AFAP1: variants seen among roughly 807,000 people sequenced by gnomAD.
AFAP1 encodes actin filament-associated protein 1.
In AFAP1, 75 loss-of-function variants were observed where a neutral mutation model predicts 93.9. The ratio of observed to expected loss-of-function variants is 0.80; its 90% confidence interval spans 0.66 to 0.97. The LOEUF is 0.97. Ranked by LOEUF, AFAP1 falls within the 50% of genes least tolerant of loss-of-function variation. The pLI is 0.00. For synonymous variants in AFAP1, 517 were observed against 430.7 expected (o/e 1.20, Z -2.48); for missense variants, 1,201 against 1,050.8 (o/e 1.14, Z -1.98).
intron 3 of AFAP1, among the ~76,000 whole-genome samples, chr4:7,859,445 G>A (rs2149152326): frequency 6.6e-6 from 1 of 151,962 alleles, no homozygotes; most frequent in African/African-American, 2.4e-5. Context: ...AGGGTCCAAA[G>A]TCTAACCACC....
intron 6 of AFAP1, among the ~76,000 whole-genome samples, chr4:7,821,820 G>A (rs1048157503): frequency 6.6e-6 from 1 of 152,200 alleles, no homozygotes; most frequent in Non-Finnish European, 1.5e-5. Flanking sequence ...GACCAGGATA[G>A]TGTTTCCAGC....
At position 7,767,421 on chromosome 4, in the gene AFAP1, ATC is replaced by A. The variant is rs372159179; in HGVS notation, c.2418+1421_2418+1422del. 5.3e-4 allele frequency among the ~76,000 whole-genome samples: 81 copies of A among 152,322 alleles called. 1 individual carries two copies. In the East Asian group the frequency reaches 0.015, roughly 29 times the overall value. On this transcript the variant is annotated intron_variant, in intron 17 of 17. Coordinates refer to ENST00000420658, the MANE Select transcript of AFAP1 (RefSeq NM_001134647.2). ...TAAATAGATGAAGTACATTTACAGC[ATC>A]TCTCATCTGCGAGTCCTAAGTGGGA...
chr4:7,861,854 TTTC>T (rs1715741398), intron 3 of AFAP1: 1 of 152,216 alleles, frequency 6.6e-6, no homozygotes. Flanking sequence ...AATGAATGAT[TTTC>T]TTGTTTTAAA....
At chr4:7,927,653 C>T (rs10016389) in intron 1 of AFAP1, among the ~76,000 whole-genome samples, 245 of 152,238 alleles carry the variant, frequency 1.6e-3, no homozygotes, top group African/African-American at 5.7e-3. Context: ...AGCAATATTC[C>T]ATCTCTAAAA....
At chr4:7,853,484 G>A (rs535337901) in intron 4 of AFAP1, among the ~76,000 whole-genome samples, 2 of 152,222 alleles carry the variant, frequency 1.3e-5, no homozygotes, top group Admixed American at 6.5e-5. Flanking sequence ...CAGGAGAGAC[G>A]CAGGCTCCCG....
intron 1 of AFAP1, among the ~76,000 whole-genome samples, chr4:7,934,412 A>C (rs1236961892): frequency 6.6e-6 from 1 of 152,198 alleles, no homozygotes; most frequent in Non-Finnish European, 1.5e-5. Flanking sequence ...TGCTTCTAGA[A>C]CGGTGCCCCT....
chr4:7,809,520 C>T (rs1719824791), intron 9 of AFAP1, 94 bp downstream of exon 9: 10 of 1,410,706 alleles, frequency 7.1e-6, no homozygotes, highest in East Asian at 4.6e-5. Context: ...CTCAAATTAA[C>T]GAGCCTTGGA....
chr4:7,815,757 C>T (rs1720412907), intron 8 of AFAP1, among the ~76,000 whole-genome samples: 1 of 152,160 alleles, frequency 6.6e-6, no homozygotes, highest in Admixed American at 6.5e-5. Context: ...AAGTTCAAAA[C>T]ATATGCAGGG....
intron 1 of AFAP1, among the ~76,000 whole-genome samples, chr4:7,889,331 G>A (rs28694545): frequency 0.31 from 47,578 of 151,508 alleles, 9,048 homozygotes; most frequent in Non-Finnish European, 0.44. Context: ...GACGGATCAC[G>A]AGGTCAGGAG....
intron 1 of AFAP1, among the ~76,000 whole-genome samples, chr4:7,929,847 C>A (rs772637885): frequency 1.3e-5 from 2 of 152,210 alleles, no homozygotes; most frequent in African/African-American, 4.8e-5. Flanking sequence ...CCCTGCCCTG[C>A]CAATCCGGAG....
chr4:7,827,846 A>T (rs1404152291), intron 6 of AFAP1, among the ~76,000 whole-genome samples: 2 of 152,176 alleles, frequency 1.3e-5, no homozygotes, highest in African/African-American at 4.8e-5. Context: ...GTGACGTCTC[A>T]TCCGAGCGAG....
intron 1 of AFAP1, among the ~76,000 whole-genome samples, chr4:7,925,422 C>T (rs550334959): frequency 2.6e-5 from 4 of 152,322 alleles, no homozygotes; most frequent in East Asian, 1.9e-4. Flanking sequence ...TTAGCAATTA[C>T]GTGGCCTTGG....
At chr4:7,833,841 G>T (rs1283930135) in intron 6 of AFAP1, among the ~76,000 whole-genome samples, 4 of 151,960 alleles carry the variant, frequency 2.6e-5, no homozygotes, top group Non-Finnish European at 5.9e-5. Context: ...GCCTGCCTCG[G>T]CCTCCCAAAG....
chr4:7,889,957 T>C (rs1389878269), intron 1 of AFAP1, among the ~76,000 whole-genome samples: 1 of 140,388 alleles, frequency 7.1e-6, no homozygotes, highest in Non-Finnish European at 1.5e-5. Context: ...CAAATCCATC[T>C]ATAGATGCAA....
intron 1 of AFAP1, among the ~76,000 whole-genome samples, chr4:7,914,334 C>A (rs1181589682): frequency 3.9e-5 from 6 of 152,168 alleles, no homozygotes; most frequent in Non-Finnish European, 4.4e-5. Flanking sequence ...GGATTACAGG[C>A]ATGAGCCACC....
chr4:7,766,064 C>T (rs1714525734), intron 17 of AFAP1, among the ~76,000 whole-genome samples: 1 of 152,228 alleles, frequency 6.6e-6, no homozygotes, highest in Non-Finnish European at 1.5e-5. Flanking sequence ...CTCACTTTGT[C>T]TAAATCAAAA....
chr4:7,844,199 G>A (rs1011009659), intron 4 of AFAP1, among the ~76,000 whole-genome samples: 3 of 152,114 alleles, frequency 2.0e-5, no homozygotes, highest in African/African-American at 7.2e-5. Context: ...TATATGTAGA[G>A]ATAGGACTTT....
In AFAP1 at chr4:7,781,574, CT is replaced by C; in HGVS notation, c.1583del (p.Glu528GlyfsTer87). 2 of 1,551,858 alleles carry C rather than the reference CT, an allele frequency of 1.3e-6. No individual in the cohort carries two copies. Among genetic ancestry groups the C allele is most frequent in the Non-Finnish European group, 1.7e-6 (2 of 1,147,046 alleles). On this transcript the variant is annotated frameshift_variant, in exon 13 of 18. Coordinates refer to ENST00000420658, the MANE Select transcript of AFAP1 (RefSeq NM_001134647.2). LOFTEE classifies it high-confidence loss of function. ...ACAGGCCTGCGTTATCATAAAGCACCTCTTCTCCCAAGCCTCTGCTGCAGGA... is the reference window on the plus strand; with the variant it reads ...ACAGGCCTGCGTTATCATAAAGCACCCTTCTCCCAAGCCTCTGCTGCAGGA... ...PASCSRGLGE[E>X]VLYDNAGLYD...
intron 4 of AFAP1, among the ~76,000 whole-genome samples, chr4:7,845,828 G>A (rs1161799194): frequency 2.6e-5 from 4 of 152,114 alleles, no homozygotes; most frequent in Non-Finnish European, 5.9e-5. Flanking sequence ...GGATACCGGG[G>A]CCCAGAGGAA....
Sources: allele counts gnomAD v4.1 joint callset (sites outside exome capture counted in the v4.1 genomes callset), GRCh38; gene constraint gnomAD v4.1.1; transcripts MANE v1.5; gene names NCBI Gene and HGNC (gene_info 2026-07-23, HGNC 2026-07-21).